Variants in UBE2H observed in about 807,000 individuals in gnomAD.
UBE2H encodes the protein ubiquitin-conjugating enzyme E2 H.
In UBE2H, 3 loss-of-function variants were observed where a neutral mutation model predicts 29.0. The observed-to-expected ratio is 0.10, with a 90% CI of 0.05 to 0.27. The LOEUF is 0.27. Ranked by LOEUF, UBE2H falls within the 10% of genes least tolerant of loss-of-function variation. UBE2H has a pLI of 1.00. For missense variants in UBE2H, 68 were observed against 228.2 expected (o/e 0.30, Z 4.52); for synonymous variants, 69 against 82.9 (o/e 0.83, Z 0.91).
At chr7:129,912,344 T>C (rs1806953695) in intron 1 of UBE2H, among the ~76,000 whole-genome samples, 1 of 152,202 alleles carries the variant, frequency 6.6e-6, no homozygotes, top group Non-Finnish European at 1.5e-5. Flanking sequence ...ATGACATATC[T>C]TGGCGATGAG....
At chr7:129,835,199 A>T in intron 6 of UBE2H, 138 bp from the exon 7 acceptor site, 1 of 1,262,826 alleles carries the variant, frequency 7.9e-7, no homozygotes, top group Admixed American at 2.2e-5. Flanking sequence ...AGTAATCATG[A>T]TCACTACAGC....
chr7:129,918,903 T>C (rs1309594559), intron 1 of UBE2H, among the ~76,000 whole-genome samples: 1 of 151,788 alleles, frequency 6.6e-6, no homozygotes, highest in East Asian at 1.9e-4. Context: ...GGCAACATGG[T>C]GAAACCCCAT....
At chr7:129,895,934 T>A (rs976378197) in intron 1 of UBE2H, among the ~76,000 whole-genome samples, 1 of 152,138 alleles carries the variant, frequency 6.6e-6, no homozygotes, top group Non-Finnish European at 1.5e-5. Flanking sequence ...GTCTTTGCTA[T>A]ACCACTCAAA....
chr7:129,908,876 T>C (rs1483921586), intron 1 of UBE2H, among the ~76,000 whole-genome samples: 1 of 152,220 alleles, frequency 6.6e-6, no homozygotes, highest in African/African-American at 2.4e-5. Context: ...TAGAATGATG[T>C]TCTCTACTGC....
intron 1 of UBE2H, among the ~76,000 whole-genome samples, chr7:129,884,905 T>C (rs1480020513): frequency 6.6e-6 from 1 of 151,850 alleles, no homozygotes; most frequent in Non-Finnish European, 1.5e-5. Context: ...TTATAAGCCA[T>C]TTATACAATA....
At chr7:129,922,980 C>A (rs575026517) in intron 1 of UBE2H, among the ~76,000 whole-genome samples, 1 of 152,146 alleles carries the variant, frequency 6.6e-6, no homozygotes, top group Admixed American at 6.5e-5. Flanking sequence ...CGGCTCACTG[C>A]AAGCTCCGCC....
intron 1 of UBE2H, among the ~76,000 whole-genome samples, chr7:129,882,175 A>G (rs1806269252): frequency 6.6e-6 from 1 of 152,160 alleles, no homozygotes; most frequent in African/African-American, 2.4e-5. Context: ...TTCATATTAG[A>G]AGAGAGGACT....
intron 1 of UBE2H, chr7:129,948,914 A>T (rs1224697271): frequency 2.5e-6 from 1 of 401,498 alleles, no homozygotes; most frequent in Non-Finnish European, 5.2e-6. Flanking sequence ...GGGCCTCCCC[A>T]GCCCCCACCT....
chr7:129,831,914 A>G lies in UBE2H; in HGVS notation c.*3023T>C, dbSNP rs1805235091. 6.6e-6 allele frequency: 1 copy of G among 152,262 alleles called. No individual in the cohort carries two copies. The highest frequency in any genetic ancestry group is 1.5e-5 in the Non-Finnish European group (1 of 68,082). 9.4% of individuals were successfully genotyped at this position (152,262 alleles called of 1,614,324 possible). On this transcript the variant is annotated 3_prime_UTR_variant, in exon 7 of 7. Coordinates refer to ENST00000355621, the MANE Select transcript of UBE2H (RefSeq NM_003344.4). Reference sequence around the variant, plus strand: ...GAATGGCTTGTGCTGGTAAAACTCAAGGGAGGATCCAAAAACTATGGGCAC... The same window carrying G: ...GAATGGCTTGTGCTGGTAAAACTCAGGGGAGGATCCAAAAACTATGGGCAC...
At chr7:129,885,421 G>A (rs929549303) in intron 1 of UBE2H, among the ~76,000 whole-genome samples, 9 of 152,184 alleles carry the variant, frequency 5.9e-5, no homozygotes, top group African/African-American at 2.2e-4. Flanking sequence ...AGTTGTCCTT[G>A]TGGATGTTGC....
At position 129,952,927 on chromosome 7, in the gene UBE2H, T is replaced by A. The variant is rs1415135653; in HGVS notation, c.-372A>T. 1 of 162,930 alleles carries A rather than the reference T, an allele frequency of 6.1e-6. No homozygotes were observed. Among genetic ancestry groups the A allele is most frequent in the Non-Finnish European group, 1.3e-5 (1 of 75,172 alleles). 10.1% of individuals were successfully genotyped at this position (162,930 alleles called of 1,614,324 possible). On this transcript the variant is annotated 5_prime_UTR_variant, in exon 1 of 7. Transcript: ENST00000355621. Reference sequence around the variant, plus strand: ...GCCTCCACTATAAGCGGACGACTCCTGCTCAGTCGGCCTCCCTACCCCAGC... The same window carrying A: ...GCCTCCACTATAAGCGGACGACTCCAGCTCAGTCGGCCTCCCTACCCCAGC...
intron 1 of UBE2H, among the ~76,000 whole-genome samples, chr7:129,913,048 C>T (rs948998226): frequency 9.2e-5 from 14 of 151,918 alleles, no homozygotes; most frequent in African/African-American, 3.4e-4. Flanking sequence ...GTCAGGAGTT[C>T]GAGACCAGCC....
At chr7:129,916,256 G>A (rs1239442601) in intron 1 of UBE2H, among the ~76,000 whole-genome samples, 2 of 151,994 alleles carry the variant, frequency 1.3e-5, no homozygotes, top group Non-Finnish European at 2.9e-5. Context: ...TCCGATTCAA[G>A]GGGTATCTAA....
chr7:129,879,948 C>G (rs1041262347), intron 2 of UBE2H, among the ~76,000 whole-genome samples: 1 of 151,256 alleles, frequency 6.6e-6, no homozygotes, highest in Non-Finnish European at 1.5e-5. Context: ...CTCAATAAAC[C>G]CCATATTCAT....
chr7:129,884,666 C>T (rs1806324163), intron 1 of UBE2H, among the ~76,000 whole-genome samples: 1 of 150,794 alleles, frequency 6.6e-6, no homozygotes, highest in Admixed American at 6.6e-5. Flanking sequence ...GATCACGGCT[C>T]ACTGCAGTCT....
At chr7:129,949,100 C>A in intron 1 of UBE2H, 1 of 450,214 alleles carries the variant, frequency 2.2e-6, no homozygotes, top group Non-Finnish European at 4.5e-6. Context: ...TCAGCAGGGG[C>A]CACTGGTTCA....
intron 1 of UBE2H, among the ~76,000 whole-genome samples, chr7:129,886,793 A>G (rs1806372155): frequency 6.8e-6 from 1 of 147,268 alleles, no homozygotes; most frequent in African/African-American, 2.5e-5. Context: ...AAAAAAAAAA[A>G]GATATGTCTG....
chr7:129,897,645 C>G (rs1806625192), intron 1 of UBE2H, among the ~76,000 whole-genome samples: 1 of 152,156 alleles, frequency 6.6e-6, no homozygotes, highest in Non-Finnish European at 1.5e-5. Flanking sequence ...ATGCTAAATG[C>G]AATCTACATG....
rs200576465 is a variant in UBE2H at position 129,952,599 on chromosome 7, G to A, written c.-44C>T. 3.1e-6 allele frequency: 5 copies of A among 1,603,004 alleles called. No homozygotes were observed. The African/African-American group carries it at 5.4e-5, about 17-fold the overall frequency. On this transcript the variant is annotated 5_prime_UTR_variant, in exon 1 of 7. Transcript: ENST00000355621. ...CTCCCTTCCTCGGCCCGTCTGTCACGGGCCCGGGGCCCCGGCTCTGAGGAG... is the reference window on the plus strand; with the variant it reads ...CTCCCTTCCTCGGCCCGTCTGTCACAGGCCCGGGGCCCCGGCTCTGAGGAG...
Sources: allele counts gnomAD v4.1 joint callset (sites outside exome capture counted in the v4.1 genomes callset), GRCh38; gene constraint gnomAD v4.1.1; transcripts MANE v1.5; gene names NCBI Gene and HGNC (gene_info 2026-07-23, HGNC 2026-07-21).